LRRC4C: variants seen among roughly 807,000 people sequenced by gnomAD.
The protein encoded by LRRC4C is leucine-rich repeat-containing protein 4C.
LRRC4C carries 5 observed loss-of-function variants against 33.6 expected under a neutral mutation model. The ratio of observed to expected loss-of-function variants is 0.15; its 90% CI spans 0.08 to 0.31. The LOEUF is 0.31. LRRC4C is among the 10% of genes least tolerant of loss of function. LRRC4C has a pLI of 1.00. For synonymous variants in LRRC4C, 329 were observed against 302.0 expected, an observed-to-expected ratio of 1.09 and a Z score of -0.93; for missense variants, 560 against 796.7, an observed-to-expected ratio of 0.70 and a Z score of 3.58.
intron 5 of LRRC4C, among the ~76,000 whole-genome samples, chr11:40,210,050 G>A (rs1863468118): frequency 6.6e-6 from 1 of 152,086 alleles, no homozygotes; most frequent in African/African-American, 2.4e-5. Flanking sequence ...AGATTTCTAT[G>A]TCTTCAAGAA....
At chr11:40,593,566 G>C (rs1381901289) in intron 3 of LRRC4C, among the ~76,000 whole-genome samples, 1 of 152,182 alleles carries the variant, frequency 6.6e-6, no homozygotes, top group African/African-American at 2.4e-5. Context: ...GATGTAGTGA[G>C]AATTGTACTA....
At chr11:41,094,111 G>A (rs1940639547) in intron 1 of LRRC4C, among the ~76,000 whole-genome samples, 1 of 148,600 alleles carries the variant, frequency 6.7e-6, no homozygotes, top group Non-Finnish European at 1.5e-5. Context: ...GCGAGACTCC[G>A]TATCGGGGGA....
rs146638907 is a variant in LRRC4C, at chr11:41,316,595, G to A, written c.-496+142836C>T. Among the ~76,000 whole-genome samples the A allele has an allele frequency of 3.7e-3, 558 of 152,220 alleles. 1 individual carries two copies. The highest frequency in any genetic ancestry group is 6.1e-3 in the Non-Finnish European group (417 of 68,016). On this transcript the variant is annotated intron_variant, in intron 1 of 6. Coordinates refer to ENST00000528697, the MANE Select transcript of LRRC4C (RefSeq NM_001258419.2). ...CTATTCGTCTGAATTAAGGATCTAC[G>A]TTCTGATTCATTTTGTAGGACTTCT... is the stretch of plus-strand genomic sequence containing the variant.
chr11:41,180,012 G>T (rs1191793009), intron 1 of LRRC4C, among the ~76,000 whole-genome samples: 1 of 152,126 alleles, frequency 6.6e-6, no homozygotes, highest in Admixed American at 6.5e-5. Context: ...CAGGACTGGC[G>T]GGCATGCAGG....
intron 1 of LRRC4C, among the ~76,000 whole-genome samples, chr11:41,360,757 G>T (rs1362756414): frequency 6.6e-6 from 1 of 152,148 alleles, no homozygotes; most frequent in African/African-American, 2.4e-5. Flanking sequence ...CATAGAAAGG[G>T]AGTTAAAGGG....
intron 5 of LRRC4C, among the ~76,000 whole-genome samples, chr11:40,159,981 A>G (rs1859020484): frequency 6.6e-6 from 1 of 152,140 alleles, no homozygotes; most frequent in South Asian, 2.1e-4. Context: ...TCATAAAATC[A>G]TTGTTGAGAC....
chr11:40,618,215 C>A (rs757990042), intron 3 of LRRC4C, among the ~76,000 whole-genome samples: 1 of 151,484 alleles, frequency 6.6e-6, no homozygotes, highest in Non-Finnish European at 1.5e-5. Context: ...GCTTTTAATC[C>A]ACTATGACTG....
intron 1 of LRRC4C, among the ~76,000 whole-genome samples, chr11:41,088,672 C>T (rs1358394628): frequency 6.6e-6 from 1 of 152,030 alleles, no homozygotes; most frequent in Non-Finnish European, 1.5e-5. Flanking sequence ...AAATGGTTAT[C>T]TTTAATAGGA....
At chr11:41,395,296 T>C (rs1316484807) in intron 1 of LRRC4C, among the ~76,000 whole-genome samples, 1 of 151,994 alleles carries the variant, frequency 6.6e-6, no homozygotes, top group Non-Finnish European at 1.5e-5. Flanking sequence ...AAGAGTTGTG[T>C]CCTAGCAAAT....
chr11:40,219,665 G>T (rs1167372483), intron 5 of LRRC4C, among the ~76,000 whole-genome samples: 1 of 151,314 alleles, frequency 6.6e-6, no homozygotes, highest in Non-Finnish European at 1.5e-5. Context: ...TCACATGTGG[G>T]ATTTTAAAAT....
chr11:41,389,773 C>T lies in LRRC4C; in HGVS notation c.-496+69658G>A, dbSNP rs145967372. On this transcript the variant is annotated intron_variant, in intron 1 of 6. Transcript: ENST00000528697. ...GGCATGTGCCTGGGCAAACACATAA[C>T]CAAGGCTCCGCTAATTAAAAGTCTG... Among the ~76,000 whole-genome samples, 610 of 151,782 alleles carry T rather than the reference C, an allele frequency of 4.0e-3. 1 individual carries two copies. The highest frequency in any genetic ancestry group is 0.013 in the African/African-American group (532 of 41,462).
chr11:40,993,283 G>A (rs536371789), intron 1 of LRRC4C, among the ~76,000 whole-genome samples: 2 of 152,036 alleles, frequency 1.3e-5, no homozygotes, highest in East Asian at 3.9e-4. Flanking sequence ...AATTTTTTCT[G>A]TTTTTAAGTT....
chr11:40,953,071 GA>G (rs1215529545), intron 1 of LRRC4C, among the ~76,000 whole-genome samples: 46 of 151,914 alleles, frequency 3.0e-4, no homozygotes, highest in Non-Finnish European at 1.0e-4. Context: ...GAGGTCCTCA[GA>G]AAACAAGTTT....
At chr11:40,838,165 GA>G (rs1952758418) in intron 2 of LRRC4C, among the ~76,000 whole-genome samples, 1 of 152,164 alleles carries the variant, frequency 6.6e-6, no homozygotes, top group South Asian at 2.1e-4. Flanking sequence ...TTTAACATTT[GA>G]AACTTTCTCA....
chr11:40,634,498 C>T (rs76345857), intron 3 of LRRC4C, among the ~76,000 whole-genome samples: 1,579 of 152,208 alleles, frequency 0.01, 33 homozygotes, highest in African/African-American at 0.037. Flanking sequence ...AAGCGTCACA[C>T]GTGCAGTAAA....
At chr11:40,524,821 C>T (rs184364406) in intron 3 of LRRC4C, among the ~76,000 whole-genome samples, 9 of 152,112 alleles carry the variant, frequency 5.9e-5, no homozygotes, top group African/African-American at 2.2e-4. Flanking sequence ...ATGGTCCTAC[C>T]CTTTTGGAGC....
intron 1 of LRRC4C, among the ~76,000 whole-genome samples, chr11:41,263,737 C>T (rs1295261250): frequency 1.3e-5 from 2 of 152,044 alleles, no homozygotes; most frequent in African/African-American, 4.8e-5. Flanking sequence ...GTTCACAGAG[C>T]ACTTAGTACT....
intron 1 of LRRC4C, among the ~76,000 whole-genome samples, chr11:41,049,236 T>C (rs541606546): frequency 2.6e-5 from 4 of 152,218 alleles, no homozygotes; most frequent in Middle Eastern, 6.8e-3. Context: ...TGAGACCTGA[T>C]GGTTTTATAA....
intron 3 of LRRC4C, among the ~76,000 whole-genome samples, chr11:40,637,965 C>A (rs934290635): frequency 6.6e-6 from 1 of 152,174 alleles, no homozygotes; most frequent in African/African-American, 2.4e-5. Context: ...CACATCAGGG[C>A]CTCCCCACTT....
Sources: allele counts gnomAD v4.1 joint callset (sites outside exome capture counted in the v4.1 genomes callset), GRCh38; gene constraint gnomAD v4.1.1; transcripts MANE v1.5; gene names NCBI Gene and HGNC (gene_info 2026-07-23, HGNC 2026-07-21).